ANKRD30B: variants seen among roughly 807,000 people sequenced by gnomAD.
The protein encoded by ANKRD30B is ankyrin repeat domain 30B.
In ANKRD30B, 144 loss-of-function variants were observed where a neutral mutation model predicts 202.2. That is an observed-to-expected ratio of 0.71 (90% CI 0.62 to 0.82). The LOEUF is 0.82. Ranked by LOEUF, ANKRD30B falls within the 40% of genes least tolerant of loss-of-function variation. ANKRD30B has a pLI of 0.00. For missense variants in ANKRD30B, 1,487 were observed against 1,669.1 expected (o/e 0.89, Z 1.90); for synonymous variants, 508 against 561.3 (o/e 0.91, Z 1.34).
chr18:14,908,327 T>C, the ANKRD30B span, among the ~76,000 whole-genome samples: 1 of 152,190 alleles, frequency 6.6e-6, no homozygotes, highest in African/African-American at 2.4e-5. Context: ...TTAACTCCTC[T>C]ACAGATGCAA....
At position 14,748,327 on chromosome 18, in the gene ANKRD30B, TG is replaced by T; in HGVS notation, c.-89del. 1 of 1,050,650 alleles carries T rather than the reference TG, an allele frequency of 9.5e-7. No homozygotes were observed. The highest frequency in any genetic ancestry group is 1.3e-6 in the Non-Finnish European group (1 of 784,024). 65.1% of individuals were successfully genotyped at this position (1,050,650 alleles called of 1,614,324 possible). ...GCGAGTGCGAGCCGGGGGCGGGTGC[TG>T]GGGAAGGGTAAGCGGGAAGCGAGGG... On this transcript the variant is annotated 5_prime_UTR_variant, in exon 1 of 44. Coordinates refer to ENST00000690538, the MANE Select transcript of ANKRD30B (RefSeq NM_001367607.2).
At chr18:14,934,946 A>ACC in the ANKRD30B span, among the ~76,000 whole-genome samples, 2 of 138,990 alleles carry the variant, frequency 1.4e-5, no homozygotes, top group East Asian at 2.0e-4. Flanking sequence ...ACACACACAC[A>ACC]CACCCCATCG....
At chr18:14,879,065 A>C in the ANKRD30B span, among the ~76,000 whole-genome samples, 1 of 151,798 alleles carries the variant, frequency 6.6e-6, no homozygotes, top group Non-Finnish European at 1.5e-5. Context: ...TCTGCTCAGC[A>C]CAGACCCGGG....
intron 30 of ANKRD30B, among the ~76,000 whole-genome samples, chr18:14,820,688 C>G (rs1334730473): frequency 5.3e-5 from 8 of 152,098 alleles, no homozygotes; most frequent in Non-Finnish European, 1.0e-4. Context: ...TATATTGAAC[C>G]AGCCTTGCAT....
chr18:14,873,400 C>T, the ANKRD30B span, among the ~76,000 whole-genome samples: 1 of 151,650 alleles, frequency 6.6e-6, no homozygotes, highest in Non-Finnish European at 1.5e-5. Context: ...TGGCAGGCAC[C>T]TGTAATCCCA....
intron 36 of ANKRD30B, among the ~76,000 whole-genome samples, chr18:14,839,825 C>T (rs905364175): frequency 7.2e-5 from 11 of 152,214 alleles, no homozygotes; most frequent in Non-Finnish European, 1.0e-4. Context: ...GTTCCTACTT[C>T]GCACGACATA....
chr18:14,779,930 C>T (rs575835094), intron 10 of ANKRD30B, 30 bp from the exon 11 acceptor site: 36 of 1,464,556 alleles, frequency 2.5e-5, no homozygotes, highest in Non-Finnish European at 3.4e-5. Context: ...GGAATGCTCT[C>T]ATGAATGTAT....
chr18:14,858,613 C>A (rs879284331), downstream of ANKRD30B, among the ~76,000 whole-genome samples: 2 of 114,958 alleles, frequency 1.7e-5, no homozygotes, highest in African/African-American at 3.5e-5. Flanking sequence ...CCAGATGGGG[C>A]GGCTGGGAAG....
chr18:14,922,988 G>A, the ANKRD30B span, among the ~76,000 whole-genome samples: 1 of 152,162 alleles, frequency 6.6e-6, no homozygotes, highest in South Asian at 2.1e-4. Context: ...CCTGGAATAC[G>A]TATCTAGACA....
chr18:14,867,315 G>A, the ANKRD30B span, among the ~76,000 whole-genome samples: 1 of 142,654 alleles, frequency 7.0e-6, no homozygotes, highest in African/African-American at 2.6e-5. Context: ...TGTGGGGAGG[G>A]GGGGCAGGTT....
chr18:14,918,826 G>A, the ANKRD30B span, among the ~76,000 whole-genome samples: 5 of 152,358 alleles, frequency 3.3e-5, no homozygotes, highest in Middle Eastern at 3.4e-3. Flanking sequence ...TAGTGCGATA[G>A]TGTTGGGAGG....
In ANKRD30B at chr18:14,803,804, C is replaced by T. The variant is rs1316441276; in HGVS notation, c.2264C>T (p.Thr755Ile). 1.9e-6 allele frequency: 3 copies of T among 1,601,366 alleles called. No individual in the cohort carries two copies. The highest frequency in any genetic ancestry group is 1.7e-6 in the Non-Finnish European group (2 of 1,176,982). The change falls in exon 24 of 44, where the codon ACC becomes ATC. Residue 755 changes from threonine to isoleucine, a missense_variant. Transcript: ENST00000690538. Reference protein sequence around the residue: ...PKATHQKEFDTLSGKLEESPD... With the variant: ...PKATHQKEFDILSGKLEESPD... ...GCTACACATCAAAAAGAATTCGATA[C>T]CTTAAGTGGAAAATTAGAAGGTAAG...
Position 14,811,429 on chromosome 18 carries a change from T to C in ANKRD30B, c.2488+1249T>C, listed in dbSNP as rs1050401899. 1.1e-4 allele frequency among the ~76,000 whole-genome samples: 16 copies of C among 151,152 alleles called. 1 individual carries two copies. Among genetic ancestry groups the C allele is most frequent in the African/African-American group, 2.2e-4 (9 of 40,998 alleles). On this transcript the variant is annotated intron_variant, in intron 28 of 43. Coordinates refer to ENST00000690538, the MANE Select transcript of ANKRD30B (RefSeq NM_001367607.2). The stretch of plus-strand genomic sequence containing the variant: ...GGTTTCACCATGTTAGCCAGGATGG[T>C]CTTGACCTGCTGACCTTGTAATCCA...
At chr18:14,853,557 C>A (rs147444475) in intron 42 of ANKRD30B, among the ~76,000 whole-genome samples, 1,761 of 143,176 alleles carry the variant, frequency 0.012, 13 homozygotes, top group Middle Eastern at 0.035. Context: ...TTTGAGACTT[C>A]AGTAAGTTGT....
At chr18:14,867,006 G>T in the ANKRD30B span, among the ~76,000 whole-genome samples, 1 of 142,378 alleles carries the variant, frequency 7.0e-6, no homozygotes. Context: ...GCTGTCAAAT[G>T]TTGCATTGTC....
chr18:14,791,208 G>A (rs2143927683), intron 15 of ANKRD30B, among the ~76,000 whole-genome samples, 193 bp from the exon 16 acceptor site: 1 of 152,182 alleles, frequency 6.6e-6, no homozygotes, highest in East Asian at 1.9e-4. Flanking sequence ...TCTGATGGCA[G>A]TTTGTATTTC....
chr18:14,840,498 C>T (rs1971372518), intron 36 of ANKRD30B, 90 bp from the exon 37 acceptor site: 1 of 537,198 alleles, frequency 1.9e-6, no homozygotes, highest in African/African-American at 2.0e-5. Flanking sequence ...AAGATCATGC[C>T]ACTGGGCAAC....
intron 39 of ANKRD30B, among the ~76,000 whole-genome samples, chr18:14,843,918 G>A (rs1971528264): frequency 6.6e-6 from 1 of 152,090 alleles, no homozygotes; most frequent in Non-Finnish European, 1.5e-5. Flanking sequence ...ATTGTTTAGA[G>A]GTAAACAATT....
chr18:14,766,271 G>C (rs1916121839), intron 7 of ANKRD30B, among the ~76,000 whole-genome samples: 1 of 151,768 alleles, frequency 6.6e-6, no homozygotes, highest in South Asian at 2.1e-4. Context: ...AGGAGATGGA[G>C]ACCATCCTGG....
Sources: gnomAD v4.1 joint callset for allele counts (sites outside exome capture counted in the v4.1 genomes callset) on GRCh38, gnomAD v4.1.1 for gene constraint, MANE v1.5 for transcripts, NCBI Gene and HGNC (gene_info 2026-07-23, HGNC 2026-07-21) for gene names.